Variants in GRIP1 observed in about 807,000 individuals in gnomAD.
GRIP1 encodes the protein glutamate receptor-interacting protein 1.
A neutral mutation model predicts 129.9 loss-of-function variants in GRIP1; 45 were observed. That is an observed-to-expected ratio of 0.35 (90% confidence interval 0.27 to 0.44). The LOEUF (loss-of-function observed/expected upper bound fraction) is 0.44, where lower values mean the gene tolerates loss of function less well. GRIP1 is among the 20% of genes least tolerant of loss of function. The probability of loss-of-function intolerance (pLI) is 1.00; values close to 1 mark genes in which losing one functional copy is unlikely to be tolerated. For synonymous variants in GRIP1, 530 were observed against 520.8 expected, an observed-to-expected ratio of 1.02 and a Z score of -0.24; for missense variants, 1,196 against 1,396.8, an observed-to-expected ratio of 0.86 and a Z score of 2.29.
rs139620913 is a variant in GRIP1, at chr12:66,757,599, T to C, written c.-420+46454A>G. Among the ~76,000 whole-genome samples the C allele has an allele frequency of 3.0e-4, 46 of 152,322 alleles. No homozygotes were observed. In the East Asian group the frequency reaches 3.5e-3, roughly 11 times the overall value. ...CTCGATATACTAATTTCCTTTCTTT[T>C]GGTAATATACCTAGCAGTTGGATTG... On this transcript the variant is annotated intron_variant, in intron 1 of 4. Transcript: ENST00000538373.
intron 1 of GRIP1, among the ~76,000 whole-genome samples, chr12:66,965,596 T>TGTGTGTGTGTGTGTGA (rs1308974868): frequency 5.4e-5 from 8 of 146,852 alleles, no homozygotes; most frequent in African/African-American, 2.0e-4. Flanking sequence ...TGTGTGTGTG[T>TGTGTGTGTGTGTGTGA]GAGATATTAT....
At chr12:67,017,918 C>T (rs1056508796) in intron 1 of GRIP1, among the ~76,000 whole-genome samples, 3 of 152,208 alleles carry the variant, frequency 2.0e-5, no homozygotes, top group Admixed American at 2.0e-4. Flanking sequence ...CAGAACATCC[C>T]AGATGGCTCC....
intron 1 of GRIP1, among the ~76,000 whole-genome samples, chr12:66,920,592 A>G (rs1446500581): frequency 6.6e-6 from 1 of 152,224 alleles, no homozygotes; most frequent in African/African-American, 2.4e-5. Context: ...GGACCTTTTG[A>G]TGTCTGATGA....
intron 1 of GRIP1, among the ~76,000 whole-genome samples, chr12:67,034,037 G>T (rs2043059257): frequency 6.6e-6 from 1 of 152,260 alleles, no homozygotes; most frequent in South Asian, 2.1e-4. Context: ...AGAAATGATT[G>T]TAAGACCCCT....
intron 1 of GRIP1, among the ~76,000 whole-genome samples, chr12:66,928,812 C>T (rs2041339086): frequency 6.6e-6 from 1 of 152,150 alleles, no homozygotes; most frequent in Non-Finnish European, 1.5e-5. Context: ...TACATTTTCC[C>T]AAACCCTTAG....
At chr12:67,035,818 T>A (rs960062065) in intron 1 of GRIP1, among the ~76,000 whole-genome samples, 2 of 152,174 alleles carry the variant, frequency 1.3e-5, no homozygotes, top group Non-Finnish European at 1.5e-5. Context: ...ATTCTACACA[T>A]CATTTATCTC....
At chr12:66,847,491 A>C (rs11176448) in intron 1 of GRIP1, among the ~76,000 whole-genome samples, 14,021 of 152,244 alleles carry the variant, frequency 0.092, 711 homozygotes, top group South Asian at 0.18. Context: ...TATATGCTTT[A>C]ATTTTATTTG....
intron 1 of GRIP1, among the ~76,000 whole-genome samples, chr12:66,926,696 G>GGCAA (rs2041301304): frequency 6.6e-6 from 1 of 152,152 alleles, no homozygotes; most frequent in Non-Finnish European, 1.5e-5. Context: ...CACTAAAGAG[G>GGCAA]GCAATTTGTG....
intron 2 of GRIP1, among the ~76,000 whole-genome samples, chr12:66,567,166 G>C (rs1180771085): frequency 6.6e-6 from 1 of 152,098 alleles, no homozygotes; most frequent in African/African-American, 2.4e-5. Context: ...CCTTCAGCTA[G>C]CTTTTGAATG....
intron 1 of GRIP1, among the ~76,000 whole-genome samples, chr12:66,801,098 T>A (rs955872134): frequency 2.0e-5 from 3 of 152,098 alleles, no homozygotes; most frequent in Admixed American, 2.0e-4. Context: ...TAAATTGTTT[T>A]GGAAATCAAG....
chr12:66,398,875 G>A (rs2056886770), intron 16 of GRIP1, among the ~76,000 whole-genome samples: 1 of 151,896 alleles, frequency 6.6e-6, no homozygotes, highest in South Asian at 2.1e-4. Flanking sequence ...TATGTTTTAA[G>A]GATCTCGCTA....
intron 19 of GRIP1, among the ~76,000 whole-genome samples, chr12:66,384,136 C>T (rs1423216071): frequency 3.3e-5 from 5 of 152,220 alleles, no homozygotes; most frequent in African/African-American, 9.6e-5. Flanking sequence ...AACCTAATCT[C>T]ATTGATTGGT....
chr12:66,994,454 ACACT>A (rs946593471), intron 1 of GRIP1, among the ~76,000 whole-genome samples: 3 of 150,940 alleles, frequency 2.0e-5, no homozygotes, highest in African/African-American at 4.9e-5. Flanking sequence ...AAAAAAAAAA[ACACT>A]CAATAAACCA....
At chr12:66,807,319 T>A (rs2039012388), upstream of GRIP1, among the ~76,000 whole-genome samples, 2 of 152,080 alleles carry the variant, frequency 1.3e-5, no homozygotes, top group Non-Finnish European at 1.5e-5. Context: ...TTTAGTACCA[T>A]CCCCTTGGTA....
chr12:66,852,172 T>C (rs1299158209), intron 1 of GRIP1, among the ~76,000 whole-genome samples: 2 of 152,116 alleles, frequency 1.3e-5, no homozygotes, highest in Non-Finnish European at 2.9e-5. Flanking sequence ...CTTCCATTTC[T>C]GGAAATCTTT....
At chr12:66,846,634 C>A (rs184615256) in intron 1 of GRIP1, among the ~76,000 whole-genome samples, 2 of 152,314 alleles carry the variant, frequency 1.3e-5, no homozygotes, top group East Asian at 3.9e-4. Context: ...GTGATAGTAT[C>A]ACAGGTGTGT....
intron 7 of GRIP1, among the ~76,000 whole-genome samples, chr12:66,468,715 A>G (rs1272806451): frequency 2.0e-5 from 3 of 151,452 alleles, no homozygotes; most frequent in Admixed American, 2.0e-4. Flanking sequence ...TTGCCAAAGT[A>G]TTAAAACTTA....
Position 66,776,972 on chromosome 12 carries a change from T to C in GRIP1, c.-420+27081A>G, listed in dbSNP as rs898583736. Reference sequence around the variant, plus strand: ...AAGATCACACACATGTGCAAAGATATGTTGATTCCAGGATATATACACGGT... The same window carrying C: ...AAGATCACACACATGTGCAAAGATACGTTGATTCCAGGATATATACACGGT... On this transcript the variant is annotated intron_variant, in intron 1 of 4. Coordinates refer to the GRIP1 transcript ENST00000538373. Among the ~76,000 whole-genome samples, 146 of 152,288 alleles carry C rather than the reference T, an allele frequency of 9.6e-4. 1 individual carries two copies. Among genetic ancestry groups the C allele is most frequent in the African/African-American group, 3.4e-3 (140 of 41,550 alleles).
At chr12:66,472,260 G>A (rs1183496349) in intron 7 of GRIP1, among the ~76,000 whole-genome samples, 3 of 152,158 alleles carry the variant, frequency 2.0e-5, no homozygotes, top group African/African-American at 7.2e-5. Flanking sequence ...TATATGCCAT[G>A]CACATTGAAA....
Sources: gnomAD v4.1 joint callset for allele counts (sites outside exome capture counted in the v4.1 genomes callset) on GRCh38, gnomAD v4.1.1 for gene constraint, MANE v1.5 for transcripts, NCBI Gene and HGNC (gene_info 2026-07-23, HGNC 2026-07-21) for gene names.